Variants in CTNNA3 observed in about 807,000 individuals in gnomAD.
CTNNA3 encodes the protein catenin alpha 3.
CTNNA3 carries 76 observed loss-of-function variants against 95.7 expected under a neutral mutation model. The ratio of observed to expected loss-of-function variants is 0.79; its 90% CI spans 0.66 to 0.96. The LOEUF (loss-of-function observed/expected upper bound fraction) is 0.96, where lower values mean the gene tolerates loss of function less well. Among genes scored for constraint, CTNNA3 ranks in the 40% least tolerant of loss-of-function variants. The pLI, the probability that CTNNA3 is intolerant of heterozygous loss-of-function variation, is 0.00. For missense variants in CTNNA3, 1,191 were observed against 1,089.8 expected (o/e 1.09, Z -1.31); for synonymous variants, 431 against 374.4 (o/e 1.15, Z -1.74).
At position 65,929,123 on chromosome 10, in the gene CTNNA3, G is replaced by C. The variant is rs533724395; in HGVS notation, c.2401-8506C>G. On this transcript the variant is annotated intron_variant, in intron 17 of 17. Coordinates refer to ENST00000433211, the MANE Select transcript of CTNNA3 (RefSeq NM_013266.4). The stretch of plus-strand genomic sequence containing the variant: ...TCTCTCCTATGAGTGAGAACATGTG[G>C]TGTTTGGTTTTTTGTCCTTGCGATA... 3.3e-5 allele frequency among the ~76,000 whole-genome samples: 5 copies of C among 150,960 alleles called. No homozygotes were observed. In the South Asian group the frequency reaches 1.0e-3, roughly 32 times the overall value.
At chr10:67,419,903 G>GGT (rs772503931) in intron 5 of CTNNA3, among the ~76,000 whole-genome samples, 1 of 151,854 alleles carries the variant, frequency 6.6e-6, no homozygotes, top group Non-Finnish European at 1.5e-5. Context: ...CCAGGCTGGA[G>GGT]TGCAGTGGCA....
intron 11 of CTNNA3, among the ~76,000 whole-genome samples, chr10:66,424,224 G>T (rs1395291323): frequency 6.6e-6 from 1 of 151,620 alleles, no homozygotes; most frequent in African/African-American, 2.4e-5. Flanking sequence ...TCCTGCAAGG[G>T]CTTTGTTTAT....
intron 12 of CTNNA3, among the ~76,000 whole-genome samples, chr10:66,364,337 G>A (rs1007515502): frequency 1.3e-5 from 2 of 151,856 alleles, no homozygotes; most frequent in African/African-American, 2.4e-5. Context: ...GAGCCCAGGA[G>A]TTTGAGACCA....
chr10:66,687,736 C>CAG (rs1414893578), intron 9 of CTNNA3, among the ~76,000 whole-genome samples: 2 of 147,638 alleles, frequency 1.4e-5, no homozygotes, highest in African/African-American at 5.2e-5. Context: ...CACACACATA[C>CAG]ACACACACAC....
At chr10:66,158,991 T>C (rs981057429) in intron 13 of CTNNA3, among the ~76,000 whole-genome samples, 2 of 152,238 alleles carry the variant, frequency 1.3e-5, no homozygotes, top group East Asian at 3.9e-4. Flanking sequence ...GAGCTACTGA[T>C]TTGTGTACAT....
chr10:66,123,276 C>G (rs765056868), intron 13 of CTNNA3, among the ~76,000 whole-genome samples: 1 of 152,080 alleles, frequency 6.6e-6, no homozygotes, highest in Non-Finnish European at 1.5e-5. Flanking sequence ...ACCATGCAAG[C>G]GTGAAATCCA....
chr10:67,011,339 A>C (rs75794884), intron 7 of CTNNA3, among the ~76,000 whole-genome samples: 2 of 133,286 alleles, frequency 1.5e-5, no homozygotes, highest in Non-Finnish European at 3.2e-5. Context: ...AGTCTGTCTC[A>C]AAAAAAAAAA....
chr10:67,559,977 G>C (rs946330202), intron 3 of CTNNA3, among the ~76,000 whole-genome samples: 2 of 152,118 alleles, frequency 1.3e-5, no homozygotes, highest in African/African-American at 4.8e-5. Context: ...CCAAGAAATA[G>C]GGGACTATGT....
At chr10:67,566,209 G>T (rs1293103376) in intron 3 of CTNNA3, among the ~76,000 whole-genome samples, 1 of 141,398 alleles carries the variant, frequency 7.1e-6, no homozygotes. Flanking sequence ...CACAGCAAAA[G>T]AAACTACCAT....
chr10:67,591,990 AACT>A (rs1842802870), intron 3 of CTNNA3, among the ~76,000 whole-genome samples: 1 of 152,104 alleles, frequency 6.6e-6, no homozygotes, highest in Non-Finnish European at 1.5e-5. Context: ...CTGAAAATCG[AACT>A]GCCAGTTCAG....
intron 7 of CTNNA3, among the ~76,000 whole-genome samples, chr10:67,016,733 G>A (rs1589607985): frequency 6.6e-6 from 1 of 152,066 alleles, no homozygotes; most frequent in Non-Finnish European, 1.5e-5. Context: ...TTTAATATAT[G>A]GACTTCGTAA....
chr10:66,825,942 T>C (rs1051808382), intron 7 of CTNNA3, among the ~76,000 whole-genome samples: 1 of 152,170 alleles, frequency 6.6e-6, no homozygotes, highest in African/African-American at 2.4e-5. Flanking sequence ...TCTGAATTCC[T>C]ACTGTCTACT....
intron 8 of CTNNA3, among the ~76,000 whole-genome samples, chr10:66,774,917 T>C (rs1457256210): frequency 6.6e-6 from 1 of 152,188 alleles, no homozygotes; most frequent in African/African-American, 2.4e-5. Context: ...GGCTTAACTT[T>C]TACAAAAACT....
intron 11 of CTNNA3, among the ~76,000 whole-genome samples, chr10:66,477,154 G>T (rs1839356493): frequency 6.6e-6 from 1 of 152,136 alleles, no homozygotes; most frequent in East Asian, 1.9e-4. Context: ...AAGTAAAGAT[G>T]ATGAAAGATA....
intron 17 of CTNNA3, among the ~76,000 whole-genome samples, chr10:65,933,934 C>CT (rs1234373604): frequency 1.3e-5 from 2 of 152,076 alleles, no homozygotes; most frequent in African/African-American, 2.4e-5. Context: ...GGCACAGATT[C>CT]TTTTTTGCAT....
At chr10:66,060,806 G>A (rs1024592103) in intron 15 of CTNNA3, among the ~76,000 whole-genome samples, 2 of 152,040 alleles carry the variant, frequency 1.3e-5, no homozygotes, top group African/African-American at 2.4e-5. Flanking sequence ...TATTTTAGGG[G>A]TGGGGTACAT....
intron 16 of CTNNA3, among the ~76,000 whole-genome samples, chr10:65,980,539 G>T (rs866080972): frequency 6.9e-6 from 1 of 144,470 alleles, no homozygotes; most frequent in South Asian, 2.2e-4. Flanking sequence ...AAAAAAAAAA[G>T]AAAAGAAAAC....
chr10:66,669,099 C>T (rs571213957), intron 9 of CTNNA3, among the ~76,000 whole-genome samples: 10 of 152,064 alleles, frequency 6.6e-5, no homozygotes, highest in South Asian at 4.1e-4. Flanking sequence ...TGAGAGAGGG[C>T]GGAGAACGAA....
chr10:67,095,814 C>A (rs1298985885), intron 7 of CTNNA3, among the ~76,000 whole-genome samples: 1 of 151,846 alleles, frequency 6.6e-6, no homozygotes, highest in Non-Finnish European at 1.5e-5. Context: ...AGTAACAGTT[C>A]TATTTTTGTT....
Sources: allele counts gnomAD v4.1 joint callset (sites outside exome capture counted in the v4.1 genomes callset), GRCh38; gene constraint gnomAD v4.1.1; transcripts MANE v1.5; gene names NCBI Gene and HGNC (gene_info 2026-07-23, HGNC 2026-07-21).